The following NFIX variants were observed in gnomAD, a reference collection of about 807,000 sequenced individuals.
NFIX encodes the protein nuclear factor 1 X-type.
Under a neutral mutation model 53.3 loss-of-function variants are expected in NFIX, and 2 were observed. The observed-to-expected ratio is 0.04, with a 90% CI of 0.02 to 0.12. The LOEUF (loss-of-function observed/expected upper bound fraction) is 0.12. NFIX is among the 10% of genes least tolerant of loss of function. NFIX has a pLI of 1.00. For synonymous variants in NFIX, 244 were observed against 289.0 expected, an observed-to-expected ratio of 0.84 and a Z score of 1.58; for missense variants, 310 against 674.5, an observed-to-expected ratio of 0.46 and a Z score of 5.99.
chr19:13,082,971 G>A (rs1055930093), intron 8 of NFIX, among the ~76,000 whole-genome samples: 1 of 152,196 alleles, frequency 6.6e-6, no homozygotes, highest in South Asian at 2.1e-4. Flanking sequence ...GATTTGCGGC[G>A]GGGCCGTGGC....
chr19:13,067,619 C>T lies in NFIX; in HGVS notation c.560-5428C>T, dbSNP rs1430816488. Among the ~76,000 whole-genome samples the T allele has an allele frequency of 6.6e-6, 1 of 152,026 alleles. No homozygotes were observed. The highest frequency in any genetic ancestry group is 1.5e-5 in the Non-Finnish European group (1 of 68,004). On this transcript the variant is annotated intron_variant, in intron 2 of 10. Transcript: ENST00000592199. This position sits in a 1 kb window ranked among gnomAD's most constrained non-coding sequence, Gnocchi z 4.2. ...AAATCTGTGCACACCCCTCAGCCTC[C>T]ATAAAACTTGTTAGGCCAAAGTCCG...
chr19:13,083,857 G>T (rs2017618102), intron 8 of NFIX, among the ~76,000 whole-genome samples: 1 of 152,246 alleles, frequency 6.6e-6, no homozygotes, highest in Non-Finnish European at 1.5e-5. Context: ...AGAGCCAGAG[G>T]GCCCGGCTCC....
intron 1 of NFIX, among the ~76,000 whole-genome samples, chr19:13,007,914 GC>G (rs1279977946): frequency 1.3e-5 from 2 of 152,136 alleles, no homozygotes; most frequent in Non-Finnish European, 2.9e-5. Flanking sequence ...GCAGGGGCTG[GC>G]CCTGAATGGA....
chr19:13,024,584 C>A, intron 1 of NFIX: 1 of 1,536,088 alleles, frequency 6.5e-7, no homozygotes, highest in Non-Finnish European at 8.7e-7. Flanking sequence ...TCTGTGCAGA[C>A]GGACACTGTG....
intron 2 of NFIX, among the ~76,000 whole-genome samples, chr19:13,061,761 T>C (rs1375651507): frequency 6.6e-6 from 1 of 152,226 alleles, no homozygotes; most frequent in Non-Finnish European, 1.5e-5. Context: ...GCAAGCTTGG[T>C]ACTTTATAGT....
rs112429723 is a variant in NFIX at position 13,052,743 on chromosome 19, ACGGCT to A, written c.560-20297_560-20293del. Reference sequence around the variant, plus strand: ...AGGCTGTGCTTCTGTGCTTCTTGGAACGGCTCGGCTCCAGGGCCGTGAGGTTGGCA... The same window carrying A: ...AGGCTGTGCTTCTGTGCTTCTTGGAACGGCTCCAGGGCCGTGAGGTTGGCA... On this transcript the variant is annotated intron_variant, in intron 2 of 10. Transcript: ENST00000592199. This position sits in a 1 kb window ranked among gnomAD's most constrained non-coding sequence, Gnocchi z 5.2. 0.1 allele frequency among the ~76,000 whole-genome samples: 15,835 copies of A among 151,988 alleles called. 1,560 individuals are homozygous for A. Among genetic ancestry groups the A allele is most frequent in the African/African-American group, 0.26 (10,608 of 41,350 alleles).
intron 8 of NFIX, among the ~76,000 whole-genome samples, chr19:13,084,444 C>CAAAACA (rs909304134): frequency 6.6e-6 from 1 of 151,608 alleles, no homozygotes; most frequent in Non-Finnish European, 1.5e-5. Context: ...ACTCTGTGTA[C>CAAAACA]AAAACAAAAA....
chr19:12,997,798 G>A (rs573385714), intron 1 of NFIX, among the ~76,000 whole-genome samples: 21 of 152,348 alleles, frequency 1.4e-4, no homozygotes, highest in South Asian at 4.1e-4. Context: ...CTGTGGATAC[G>A]CCGGTGACAT....
chr19:13,055,127 A>C (rs1599797577), intron 2 of NFIX, among the ~76,000 whole-genome samples: 2 of 138,746 alleles, frequency 1.4e-5, no homozygotes, highest in African/African-American at 2.8e-5. Context: ...CCTTTAGGAG[A>C]CCTCCCGCCG....
intron 2 of NFIX, among the ~76,000 whole-genome samples, chr19:13,056,244 T>C (rs1297157983): frequency 1.3e-5 from 2 of 152,146 alleles, no homozygotes; most frequent in Non-Finnish European, 2.9e-5. Flanking sequence ...CCCCGTTCTA[T>C]ATGAACACAC....
chr19:13,086,127 T>A (rs2017766184), intron 8 of NFIX, among the ~76,000 whole-genome samples: 1 of 152,254 alleles, frequency 6.6e-6, no homozygotes. Context: ...CGTGCAGTCC[T>A]GCCTGCTCGG....
At position 13,049,271 on chromosome 19, in the gene NFIX, TA is replaced by T. The variant is rs976879850; in HGVS notation, c.559+23726del. ...GACTGCCTCTAAAAAAAATAAAAAA[TA>T]AAAAAATAAACTAAAAATTAAGCAT... On this transcript the variant is annotated intron_variant, in intron 2 of 10. Transcript: ENST00000592199. The surrounding 1 kb of genome is among the most constrained non-coding windows in gnomAD (Gnocchi z 4.5). 4.6e-5 allele frequency among the ~76,000 whole-genome samples: 7 copies of T among 151,816 alleles called. No homozygotes were observed. Among genetic ancestry groups the T allele is most frequent in the African/African-American group, 1.5e-4 (6 of 41,314 alleles).
rs1317628938 is a variant in NFIX, at chr19:13,083,997, G to A, written c.1254+2142G>A. On this transcript the variant is annotated intron_variant, in intron 8 of 10. Coordinates refer to ENST00000592199, the MANE Select transcript of NFIX (RefSeq NM_001365902.3). ...AGCCCTGGCTAACACACAGATGGCT[G>A]TGCCTCACCCCCAGAGCATCTGATG... is the stretch of plus-strand genomic sequence containing the variant. Among the ~76,000 whole-genome samples, 4 of 152,372 alleles carry A rather than the reference G, an allele frequency of 2.6e-5. No homozygotes were observed. The East Asian group carries it at 5.8e-4, about 22-fold the overall frequency.
At position 13,060,352 on chromosome 19, in the gene NFIX, T is replaced by A. The variant is rs1183654333; in HGVS notation, c.560-12695T>A. Among the ~76,000 whole-genome samples the A allele has an allele frequency of 6.6e-6, 1 of 152,206 alleles. No homozygotes were observed. The highest frequency in any genetic ancestry group is 1.9e-4 in the East Asian group (1 of 5,188). ...GAGGCCATTGGAAAGGGCCTATATC[T>A]GGAACGGGTGAAGGAGAGAGCCCGG... On this transcript the variant is annotated intron_variant, in intron 2 of 10. Coordinates refer to ENST00000592199, the MANE Select transcript of NFIX (RefSeq NM_001365902.3). This position sits in a 1 kb window ranked among gnomAD's most constrained non-coding sequence, Gnocchi z 4.3.
At chr19:13,046,568 T>G (rs1218437546) in intron 2 of NFIX, among the ~76,000 whole-genome samples, 1 of 152,170 alleles carries the variant, frequency 6.6e-6, no homozygotes, top group Non-Finnish European at 1.5e-5. Context: ...CCTGGGGCTT[T>G]TGCCATTCAT....
Position 13,090,505 on chromosome 19 carries a change from G to T in NFIX, c.1494+115G>T. ...CCTTGGGGCTAACAGGGAGAGAGAG[G>T]TCTGAGGTGGGGCTGGAGGGCCCAG... On this transcript the variant is annotated intron_variant, in intron 10 of 10. Coordinates refer to ENST00000592199, the MANE Select transcript of NFIX (RefSeq NM_001365902.3). This position sits in a 1 kb window ranked among gnomAD's most constrained non-coding sequence, Gnocchi z 6.6. The T allele has an allele frequency of 9.9e-7, 1 of 1,012,690 alleles. No homozygotes were observed. 62.7% of individuals were successfully genotyped at this position (1,012,690 alleles called of 1,614,324 possible). A position where few individuals can be genotyped will look rare whatever the true frequency, so the allele number is the denominator to read the frequency against.
rs564416255 is a variant in NFIX at position 13,036,188 on chromosome 19, C to T, written c.559+10636C>T. ...CTCTGGAGTCGACTTCCCAAGTCTC[C>T]TAGGAAGGCGAGGGCTCTCCTTCGT... On this transcript the variant is annotated intron_variant, in intron 2 of 10. Coordinates refer to ENST00000592199, the MANE Select transcript of NFIX (RefSeq NM_001365902.3). The surrounding 1 kb of genome is among the most constrained non-coding windows in gnomAD (Gnocchi z 4.7). Among the ~76,000 whole-genome samples, 1 of 152,122 alleles carries T rather than the reference C, an allele frequency of 6.6e-6. No homozygotes were observed. The highest frequency in any genetic ancestry group is 2.4e-5 in the African/African-American group (1 of 41,432).
chr19:13,078,590 G>A lies in NFIX; in HGVS notation c.956-23G>A. On this transcript the variant is annotated intron_variant, in intron 6 of 10. Coordinates refer to ENST00000592199, the MANE Select transcript of NFIX (RefSeq NM_001365902.3). This position sits in a 1 kb window ranked among gnomAD's most constrained non-coding sequence, Gnocchi z 4.7. The stretch of plus-strand genomic sequence containing the variant: ...ACCCCAGCCCAGCTAAACCTGCCCT[G>A]TGTTGCTGCTTCCTCCCCCCAGGCC... The A allele has an allele frequency of 6.3e-7, 1 of 1,590,766 alleles. No homozygotes were observed. The highest frequency in any genetic ancestry group is 2.3e-5 in the East Asian group (1 of 43,590).
At position 13,092,508 on chromosome 19, in the gene NFIX, A is replaced by G. The variant is rs1280042028; in HGVS notation, c.1494+2118A>G. 3.5e-4 allele frequency among the ~76,000 whole-genome samples: 53 copies of G among 152,174 alleles called. 1 individual carries two copies. Among genetic ancestry groups the G allele is most frequent in the Admixed American group, 3.4e-3 (52 of 15,292 alleles). On this transcript the variant is annotated intron_variant, in intron 10 of 10. Coordinates refer to ENST00000592199, the MANE Select transcript of NFIX (RefSeq NM_001365902.3). ...CAACTGTACAGCTCAGGAGACCCCAAAGGGGCCAGTGTGAGGCCCTGGCAT... is the reference window on the plus strand; with the variant it reads ...CAACTGTACAGCTCAGGAGACCCCAGAGGGGCCAGTGTGAGGCCCTGGCAT...
Sources: allele counts gnomAD v4.1 joint callset (sites outside exome capture counted in the v4.1 genomes callset), GRCh38; gene constraint gnomAD v4.1.1; non-coding constraint Gnocchi (gnomAD v3.1); transcripts MANE v1.5; gene names NCBI Gene and HGNC (gene_info 2026-07-23, HGNC 2026-07-21).